Variants in GSK3A observed in about 807,000 individuals in gnomAD.
GSK3A encodes glycogen synthase kinase-3 alpha.
A neutral mutation model predicts 56.6 loss-of-function variants in GSK3A; 14 were observed. That is an observed-to-expected ratio of 0.25 (90% CI 0.16 to 0.39). GSK3A has a LOEUF of 0.39. Ranked by LOEUF, GSK3A falls within the 10% of genes least tolerant of loss-of-function variation. GSK3A has a pLI of 1.00. For missense variants in GSK3A, 450 were observed against 656.0 expected (o/e 0.69, Z 3.43); for synonymous variants, 301 against 285.0 (o/e 1.06, Z -0.56).
chr19:42,231,488 C>T (rs1380848465), intron 10 of GSK3A, among the ~76,000 whole-genome samples: 5 of 152,016 alleles, frequency 3.3e-5, no homozygotes, highest in African/African-American at 4.8e-5. Context: ...CATTTTTAAA[C>T]GTGGACACCA....
At chr19:42,239,170 A>C (rs1002222222) in intron 2 of GSK3A, among the ~76,000 whole-genome samples, 10 of 152,078 alleles carry the variant, frequency 6.6e-5, no homozygotes, top group African/African-American at 2.4e-4. Context: ...CCCATTCTCT[A>C]TTCCTCAGTG....
chr19:42,233,416 G>T (rs1176081336), intron 6 of GSK3A, 33 bp from the exon 7 acceptor site: 6 of 1,377,240 alleles, frequency 4.4e-6, no homozygotes, highest in Non-Finnish European at 6.1e-6. Flanking sequence ...TCAGGGCTAG[G>T]CGAGTAGGGC....
chr19:42,232,923 A>G, intron 8 of GSK3A, 187 bp downstream of exon 8: 3 of 582,768 alleles, frequency 5.1e-6, no homozygotes, highest in Non-Finnish European at 8.9e-6. Flanking sequence ...TGGAATCTTG[A>G]ATTTACTTGT....
chr19:42,230,773 GA>G lies in GSK3A; in HGVS notation c.*20del. On this transcript the variant is annotated 3_prime_UTR_variant, in exon 11 of 11. Coordinates refer to ENST00000222330, the MANE Select transcript of GSK3A (RefSeq NM_019884.3). ...CTCTTGGGGCTCCCAGATGGAAGTG[GA>G]AGGGTGCTTGGTGGGGCCCTCAGGA... 1 of 1,537,292 alleles carries G rather than the reference GA, an allele frequency of 6.5e-7. No individual in the cohort carries two copies. Among genetic ancestry groups the G allele is most frequent in the Non-Finnish European group, 8.8e-7 (1 of 1,132,784 alleles).
rs772028400 is a variant in GSK3A at position 42,232,533 on chromosome 19, G to A, written c.1248C>T (p.Asn416=). ...LRCLGTQLPN[N]RPLPPLFNFS... is the part of the protein sequence containing the mutation. ...AGTTGAAGAGAGGGGGAAGTGGGCGGTTGTTAGGCAGCTGGGTTCCCAGAC... is the reference window on the plus strand; with the variant it reads ...AGTTGAAGAGAGGGGGAAGTGGGCGATTGTTAGGCAGCTGGGTTCCCAGAC... The change falls in exon 9 of 11, where the codon AAC becomes AAT. Residue 416 remains asparagine, a synonymous_variant. Transcript: ENST00000222330. 2 of 1,614,052 alleles carry A rather than the reference G, an allele frequency of 1.2e-6. No homozygotes were observed. Among genetic ancestry groups the A allele is most frequent in the African/African-American group, 2.7e-5 (2 of 74,908 alleles).
At chr19:42,232,767 G>A in intron 8 of GSK3A, 85 bp from the exon 9 acceptor site, 1 of 1,187,646 alleles carries the variant, frequency 8.4e-7, no homozygotes, top group Non-Finnish European at 1.2e-6. Context: ...AGTGCCTGCG[G>A]CAAGTTATGA....
At chr19:42,232,469 T>C (rs780614124) in intron 9 of GSK3A, 27 bp downstream of exon 9, 2 of 1,608,496 alleles carry the variant, frequency 1.2e-6, no homozygotes, top group African/African-American at 1.3e-5. Context: ...CCCGCCCCAC[T>C]CCCCAGATCC....
chr19:42,242,082 G>T (rs2036295615), intron 1 of GSK3A, 101 bp downstream of exon 1: 7 of 1,058,714 alleles, frequency 6.6e-6, no homozygotes, highest in Non-Finnish European at 8.5e-6. Context: ...GAGGCACAGT[G>T]ACCTCGAGCT....
At chr19:42,235,932 C>T (rs1284770769) in intron 4 of GSK3A, among the ~76,000 whole-genome samples, 1 of 152,210 alleles carries the variant, frequency 6.6e-6, no homozygotes, top group Non-Finnish European at 1.5e-5. Context: ...CGTCGGCTCA[C>T]CCGTGCTTGG....
chr19:42,238,472 T>C (rs2036271575), intron 2 of GSK3A, among the ~76,000 whole-genome samples: 1 of 150,684 alleles, frequency 6.6e-6, no homozygotes, highest in Non-Finnish European at 1.5e-5. Flanking sequence ...CCGAGAGTGG[T>C]GGCACACGCC....
chr19:42,235,281 C>T (rs1015447580), intron 4 of GSK3A, among the ~76,000 whole-genome samples: 6 of 152,190 alleles, frequency 3.9e-5, no homozygotes, highest in Admixed American at 1.3e-4. Flanking sequence ...TGGCAGAAGC[C>T]TGATGAGTAA....
chr19:42,233,571 C>A (rs1157962941), intron 6 of GSK3A, among the ~76,000 whole-genome samples, 188 bp from the exon 7 acceptor site: 2 of 152,166 alleles, frequency 1.3e-5, no homozygotes, highest in African/African-American at 4.8e-5. Context: ...GCTGTACTCT[C>A]TAGTCTAGGT....
In GSK3A at chr19:42,230,827, G is replaced by A. The variant is rs751288516; in HGVS notation, c.1419C>T (p.Thr473=). 15 of 1,563,114 alleles carry A rather than the reference G, an allele frequency of 9.6e-6. No homozygotes were observed. Among genetic ancestry groups the A allele is most frequent in the East Asian group, 2.4e-5 (1 of 41,872 alleles). Residue 473 remains threonine, a synonymous_variant, in exon 11 of 11, where the codon ACC becomes ACT. Coordinates refer to ENST00000222330, the MANE Select transcript of GSK3A (RefSeq NM_019884.3). The part of the protein sequence containing the change: ...ETPTSSDWQS[T]DATPTLTNSS The stretch of plus-strand genomic sequence containing the variant: ...AGTTAGTGAGGGTAGGTGTGGCATC[G>A]GTCGACTGCCAGTCTGAGCTGGTCG...
At chr19:42,241,988 C>T (rs2036294979) in intron 1 of GSK3A, 195 bp downstream of exon 1, 1 of 424,902 alleles carries the variant, frequency 2.4e-6, no homozygotes, top group East Asian at 3.6e-5. Flanking sequence ...TAATTCTGAT[C>T]CACGAGTAAT....
At position 42,230,731 on chromosome 19, in the gene GSK3A, G is replaced by GC. The variant is rs2036217854; in HGVS notation, c.*62dup. 11 of 1,256,904 alleles carry GC rather than the reference G, an allele frequency of 8.8e-6. No individual in the cohort carries two copies. In the East Asian group the frequency reaches 2.0e-4, roughly 23 times the overall value. The allele number at this position is 1,256,904 out of a possible 1,614,324, so 77.9% of individuals were successfully genotyped here. ...CAGGGCAGGAGCTTGATGGGCTATG[G>GC]CCCCCCTTCCCAGCCCCTCTTGGGG... On this transcript the variant is annotated 3_prime_UTR_variant, in exon 11 of 11. Coordinates refer to ENST00000222330, the MANE Select transcript of GSK3A (RefSeq NM_019884.3).
chr19:42,239,936 C>A lies in GSK3A; in HGVS notation c.471+19G>T. 6.2e-7 allele frequency: 1 copy of A among 1,609,732 alleles called. No homozygotes were observed. Among genetic ancestry groups the A allele is most frequent in the Non-Finnish European group, 8.5e-7 (1 of 1,176,204 alleles). On this transcript the variant is annotated intron_variant, in intron 2 of 10. Coordinates refer to ENST00000222330, the MANE Select transcript of GSK3A (RefSeq NM_019884.3). ...CACCCAGTCCCCAAACCTCCCTGTC[C>A]CCATCCCGCCCAAGCTACCTTGAAC...
At chr19:42,241,515 G>T (rs1028529242) in intron 1 of GSK3A, 1 of 152,188 alleles carries the variant, frequency 6.6e-6, no homozygotes, top group African/African-American at 2.4e-5. Flanking sequence ...ATGGACTATG[G>T]ACTTGGTTTG....
Position 42,242,315 on chromosome 19 carries a change from C to A in GSK3A, c.151G>T (p.Ala51Ser). The A allele has an allele frequency of 1.4e-6, 2 of 1,436,666 alleles. No individual in the cohort carries two copies. Among genetic ancestry groups the A allele is most frequent in the Middle Eastern group, 2.4e-4 (1 of 4,098 alleles). The allele number at this position is 1,436,666 out of a possible 1,614,324, so 89.0% of individuals were successfully genotyped here. A position where few individuals can be genotyped will look rare whatever the true frequency, so the allele number is the denominator to read the frequency against. The change falls in exon 1 of 11, where the codon GCA (alanine) becomes TCA (serine). Residue 51 changes from alanine (A) to serine (S), a missense_variant. This residue lies in a region of GSK3A where 193 missense variants were observed against 200.5 expected (regional missense o/e 0.96). Coordinates refer to ENST00000222330, the MANE Select transcript of GSK3A (RefSeq NM_019884.3). ...SGPGGTGGGKASVGAMGGGVG... is the reference protein window; with the variant it reads ...SGPGGTGGGKSSVGAMGGGVG... ...CCCCCACCCATGGCCCCGACAGATG[C>A]CTTTCCGCCGCCGGTGCCGCCTGGG...
At chr19:42,235,252 C>G (rs888292731) in intron 4 of GSK3A, among the ~76,000 whole-genome samples, 7 of 152,210 alleles carry the variant, frequency 4.6e-5, no homozygotes, top group African/African-American at 1.7e-4. Context: ...CTGAGAACCA[C>G]TGCTTTAATC....
Sources: allele counts gnomAD v4.1 joint callset (sites outside exome capture counted in the v4.1 genomes callset), GRCh38; gene constraint gnomAD v4.1.1; regional missense constraint gnomAD v4.1.1; transcripts MANE v1.5; gene names NCBI Gene and HGNC (gene_info 2026-07-23, HGNC 2026-07-21).